TMEM108: variants seen among roughly 807,000 people sequenced by gnomAD.
TMEM108 encodes the protein cancer/testis antigen 124.
TMEM108 carries 12 observed loss-of-function variants against 35.1 expected under a neutral mutation model. The ratio of observed to expected loss-of-function variants is 0.34; its 90% confidence interval spans 0.22 to 0.55. TMEM108 has a LOEUF of 0.55. TMEM108 is among the 20% of genes least tolerant of loss of function. The pLI is 0.89. For missense variants in TMEM108, 680 were observed against 753.3 expected (o/e 0.90, Z 1.14); for synonymous variants, 287 against 308.6 (o/e 0.93, Z 0.73).
chr3:133,176,461 C>CAA (rs1350367084), intron 2 of TMEM108, among the ~76,000 whole-genome samples: 6 of 147,348 alleles, frequency 4.1e-5, no homozygotes, highest in East Asian at 2.0e-4. Flanking sequence ...ACAGAAATTA[C>CAA]ATTGTCTCTC....
At chr3:133,098,966 C>G (rs1944052103) in intron 2 of TMEM108, among the ~76,000 whole-genome samples, 1 of 152,194 alleles carries the variant, frequency 6.6e-6, no homozygotes, top group African/African-American at 2.4e-5. Flanking sequence ...CACAGCTCCA[C>G]TAGGTCACTG....
intron 3 of TMEM108, among the ~76,000 whole-genome samples, chr3:133,317,450 T>C (rs1267982715): frequency 6.6e-6 from 1 of 152,170 alleles, no homozygotes; most frequent in Non-Finnish European, 1.5e-5. Flanking sequence ...TTATAAGAAA[T>C]GAGATTCTAA....
At chr3:133,197,335 A>C (rs1315848297) in intron 2 of TMEM108, among the ~76,000 whole-genome samples, 2 of 152,156 alleles carry the variant, frequency 1.3e-5, no homozygotes, top group African/African-American at 4.8e-5. Flanking sequence ...AGGAGTTATG[A>C]GCAGGCGGTT....
At chr3:133,085,873 A>T (rs1184063796) in intron 2 of TMEM108, among the ~76,000 whole-genome samples, 1 of 152,190 alleles carries the variant, frequency 6.6e-6, no homozygotes, top group Non-Finnish European at 1.5e-5. Context: ...TGAGATTTTT[A>T]AAAAAGTATT....
In TMEM108 at chr3:133,380,688, A is replaced by G; in HGVS notation, c.977A>G (p.Gln326Arg). 1 of 1,614,116 alleles carries G rather than the reference A, an allele frequency of 6.2e-7. No individual in the cohort carries two copies. The highest frequency in any genetic ancestry group is 1.1e-5 in the South Asian group (1 of 91,080). The change falls in exon 4 of 6, where the codon CAG becomes CGG. Residue 326 changes from glutamine to arginine, a missense_variant. Coordinates refer to ENST00000321871, the MANE Select transcript of TMEM108 (RefSeq NM_023943.4). The surrounding 1 kb of genome is among the most constrained non-coding windows in gnomAD (Gnocchi z 5.3). The stretch of plus-strand genomic sequence containing the variant: ...CAGCGCCCCCACCACGGTGACCCAC[A>G]GGATGGCCCCAGCCATAGTGACTCT... Reference protein sequence around the residue: ...PSQRPHHGDPQDGPSHSDSWL... With the variant: ...PSQRPHHGDPRDGPSHSDSWL...
At chr3:133,216,851 T>C (rs1945916722) in intron 2 of TMEM108, among the ~76,000 whole-genome samples, 1 of 152,128 alleles carries the variant, frequency 6.6e-6, no homozygotes, top group South Asian at 2.1e-4. Context: ...GATACTTAGG[T>C]TGATTTCATA....
intron 2 of TMEM108, among the ~76,000 whole-genome samples, chr3:133,208,450 A>G (rs533133139): frequency 6.6e-6 from 1 of 152,314 alleles, no homozygotes; most frequent in East Asian, 1.9e-4. Flanking sequence ...AAAGCTGTGT[A>G]AACATTGATG....
intron 2 of TMEM108, among the ~76,000 whole-genome samples, chr3:133,048,335 A>G (rs1943363808): frequency 1.3e-5 from 2 of 152,220 alleles, no homozygotes; most frequent in Admixed American, 1.3e-4. Flanking sequence ...TGTTTATTCT[A>G]GAAACTTTTA....
At chr3:133,151,044 C>G (rs1210167595) in intron 2 of TMEM108, among the ~76,000 whole-genome samples, 1 of 152,100 alleles carries the variant, frequency 6.6e-6, no homozygotes, top group Admixed American at 6.5e-5. Flanking sequence ...GTACCTGCTA[C>G]CCCCTCTTCC....
At chr3:133,202,338 T>C (rs1445298241) in intron 2 of TMEM108, among the ~76,000 whole-genome samples, 2 of 152,240 alleles carry the variant, frequency 1.3e-5, no homozygotes, top group African/African-American at 2.4e-5. Flanking sequence ...TCGCCATTGC[T>C]TTTGGTGTTT....
chr3:133,256,520 C>A (rs998205270), intron 3 of TMEM108, among the ~76,000 whole-genome samples: 1 of 152,122 alleles, frequency 6.6e-6, no homozygotes, highest in Non-Finnish European at 1.5e-5. Context: ...ACAATAATAG[C>A]AGTTAAGTTG....
chr3:133,149,150 A>T (rs1386095187), intron 2 of TMEM108, among the ~76,000 whole-genome samples: 3 of 152,130 alleles, frequency 2.0e-5, no homozygotes, highest in Non-Finnish European at 4.4e-5. Context: ...TTTAGGCCTT[A>T]CTCAGTTGAC....
chr3:133,364,772 G>A (rs2107800644), intron 3 of TMEM108, among the ~76,000 whole-genome samples: 1 of 152,326 alleles, frequency 6.6e-6, no homozygotes, highest in South Asian at 2.1e-4. Flanking sequence ...TATCATCTGT[G>A]GCAGACCTGG....
At chr3:133,283,258 A>G (rs1435345967) in intron 3 of TMEM108, among the ~76,000 whole-genome samples, 1 of 152,242 alleles carries the variant, frequency 6.6e-6, no homozygotes, top group Non-Finnish European at 1.5e-5. Flanking sequence ...TCTTCCCCAG[A>G]TTAATAACCC....
At chr3:133,162,059 G>A (rs140917346) in intron 2 of TMEM108, among the ~76,000 whole-genome samples, 2 of 152,214 alleles carry the variant, frequency 1.3e-5, no homozygotes, top group Admixed American at 6.5e-5. Context: ...GCAAAAATAG[G>A]GAACTGATTA....
intron 2 of TMEM108, among the ~76,000 whole-genome samples, chr3:133,203,062 T>TAA: frequency 6.6e-6 from 1 of 152,230 alleles, no homozygotes; most frequent in African/African-American, 2.4e-5. Context: ...CAATTCTGAA[T>TAA]GGCAGTTCAC....
At chr3:133,088,752 C>T (rs1269490040) in intron 2 of TMEM108, among the ~76,000 whole-genome samples, 2 of 152,154 alleles carry the variant, frequency 1.3e-5, no homozygotes, top group African/African-American at 4.8e-5. Flanking sequence ...AGAGCTGTGG[C>T]ATTATGACAG....
chr3:133,314,621 G>A (rs1230344109), intron 3 of TMEM108, among the ~76,000 whole-genome samples: 3 of 152,166 alleles, frequency 2.0e-5, no homozygotes, highest in African/African-American at 4.8e-5. Context: ...GAGCTGTAAT[G>A]TGCACACTAA....
intron 3 of TMEM108, among the ~76,000 whole-genome samples, chr3:133,304,935 C>A (rs145360357): frequency 6.6e-6 from 1 of 151,908 alleles, no homozygotes; most frequent in East Asian, 1.9e-4. Context: ...ATACAAAAAT[C>A]AACTGGATGT....
Sources: allele counts gnomAD v4.1 joint callset (sites outside exome capture counted in the v4.1 genomes callset), GRCh38; gene constraint gnomAD v4.1.1; non-coding constraint Gnocchi (gnomAD v3.1); transcripts MANE v1.5; gene names NCBI Gene and HGNC (gene_info 2026-07-23, HGNC 2026-07-21).